Variants in CDH13 observed in about 807,000 individuals in gnomAD.
CDH13 encodes cadherin 13, also known as cadherin-13.
CDH13 carries 24 observed loss-of-function variants against 63.8 expected under a neutral mutation model. That is an observed-to-expected ratio of 0.38 (90% CI 0.27 to 0.53). The LOEUF is 0.53. Among genes scored for constraint, CDH13 ranks in the 20% least tolerant of loss-of-function variants. The pLI, the probability that CDH13 is intolerant of heterozygous loss-of-function variation, is 0.85. For missense variants in CDH13, 1,049 were observed against 903.1 expected, an observed-to-expected ratio of 1.16 and a Z score of -2.07; for synonymous variants, 503 against 355.3, an observed-to-expected ratio of 1.42 and a Z score of -4.67.
In CDH13 at chr16:83,364,646, C is replaced by A. The variant is rs17212193; in HGVS notation, c.781+19640C>A. Among the ~76,000 whole-genome samples, 10 of 152,222 alleles carry A rather than the reference C, an allele frequency of 6.6e-5. 1 individual carries two copies. In the South Asian group the frequency reaches 2.1e-3, roughly 32 times the overall value. On this transcript the variant is annotated intron_variant, in intron 6 of 13. Coordinates refer to ENST00000567109, the MANE Select transcript of CDH13 (RefSeq NM_001257.5). ...CTCCATTACTTGGTTAGTCTAGGGA[C>A]CAGTGAAAGTAGAGTGATAATTTGG...
At chr16:82,833,403 G>A (rs959695739) in intron 1 of CDH13, among the ~76,000 whole-genome samples, 7 of 152,168 alleles carry the variant, frequency 4.6e-5, no homozygotes, top group Admixed American at 2.0e-4. Flanking sequence ...AAATTGTGGC[G>A]TGGGGACTCA....
At chr16:82,866,977 A>G (rs943968089) in intron 2 of CDH13, among the ~76,000 whole-genome samples, 5 of 152,184 alleles carry the variant, frequency 3.3e-5, no homozygotes, top group Middle Eastern at 3.2e-3. Flanking sequence ...AAGCCTAACC[A>G]TATTAGGAAC....
chr16:83,182,019 G>A (rs901208344), intron 4 of CDH13, among the ~76,000 whole-genome samples: 5 of 152,160 alleles, frequency 3.3e-5, no homozygotes, highest in Non-Finnish European at 7.3e-5. Flanking sequence ...CTGTGGCAAA[G>A]TGCTATTGTG....
intron 2 of CDH13, among the ~76,000 whole-genome samples, chr16:83,014,778 A>ATTTG: frequency 8.8e-6 from 1 of 113,820 alleles, no homozygotes; most frequent in Admixed American, 9.6e-5. Flanking sequence ...ATATATATGT[A>ATTTG]TATATATATA....
chr16:82,816,428 T>C (rs1342166645), intron 1 of CDH13, among the ~76,000 whole-genome samples: 1 of 152,140 alleles, frequency 6.6e-6, no homozygotes, highest in Non-Finnish European at 1.5e-5. Context: ...GCTGGTTTTG[T>C]GCATGAAGAT....
chr16:82,930,133 C>T (rs2042442305), intron 2 of CDH13, among the ~76,000 whole-genome samples: 2 of 148,252 alleles, frequency 1.3e-5, no homozygotes, highest in South Asian at 4.3e-4. Flanking sequence ...CAACCTCTGC[C>T]TCCCAATATA....
chr16:82,812,084 C>T (rs1277035702), intron 1 of CDH13, among the ~76,000 whole-genome samples: 2 of 152,134 alleles, frequency 1.3e-5, no homozygotes, highest in African/African-American at 2.4e-5. Flanking sequence ...CTGTGCCACC[C>T]TTTGTCTCTA....
intron 4 of CDH13, among the ~76,000 whole-genome samples, chr16:83,176,444 G>C (rs1477202539): frequency 2.0e-5 from 3 of 149,954 alleles, no homozygotes; most frequent in Non-Finnish European, 4.4e-5. Flanking sequence ...TGGGAGGCGG[G>C]GGTTGCAATG....
At position 82,720,668 on chromosome 16, in the gene CDH13, A is replaced by G. The variant is rs181680475; in HGVS notation, c.45+93531A>G. Among the ~76,000 whole-genome samples, 767 of 151,526 alleles carry G rather than the reference A, an allele frequency of 5.1e-3. 6 individuals are homozygous for G. Among genetic ancestry groups the G allele is most frequent in the Middle Eastern group, 0.017 (5 of 292 alleles). The stretch of plus-strand genomic sequence containing the variant: ...TCCACACACAGGGTGGTCTGGGCCA[A>G]GAGTTAGTGTTTTTTTTTTTCTCAT... On this transcript the variant is annotated intron_variant, in intron 1 of 13. Transcript: ENST00000567109.
intron 10 of CDH13, among the ~76,000 whole-genome samples, chr16:83,711,945 TG>T (rs1227723991): frequency 6.6e-6 from 1 of 152,202 alleles, no homozygotes; most frequent in Admixed American, 6.5e-5. Context: ...GTTAGAAGTC[TG>T]AGATCAAGGT....
At chr16:83,260,222 C>G (rs368910723) in intron 5 of CDH13, among the ~76,000 whole-genome samples, 49 of 151,400 alleles carry the variant, frequency 3.2e-4, no homozygotes, top group African/African-American at 1.1e-3. Flanking sequence ...TCGCTTGTTA[C>G]TTAAAATACT....
At chr16:82,720,332 T>C (rs2151020689) in intron 1 of CDH13, among the ~76,000 whole-genome samples, 1 of 152,342 alleles carries the variant, frequency 6.6e-6, no homozygotes, top group South Asian at 2.1e-4. Context: ...TGCATTTTTA[T>C]GATTATTATA....
intron 2 of CDH13, among the ~76,000 whole-genome samples, chr16:82,903,820 C>T (rs750720454): frequency 1.5e-4 from 23 of 152,024 alleles, no homozygotes; most frequent in Non-Finnish European, 2.6e-4. Flanking sequence ...ATCCATGTTT[C>T]GTAAATAAGA....
At chr16:83,043,095 A>T (rs568243983) in intron 3 of CDH13, among the ~76,000 whole-genome samples, 3 of 152,240 alleles carry the variant, frequency 2.0e-5, no homozygotes, top group African/African-American at 7.2e-5. Context: ...ATTCAATAAT[A>T]GGCTGTTACA....
intron 5 of CDH13, among the ~76,000 whole-genome samples, chr16:83,245,566 T>A (rs1339706083): frequency 6.6e-6 from 1 of 152,174 alleles, no homozygotes; most frequent in Non-Finnish European, 1.5e-5. Context: ...ACACCTGTAG[T>A]GAAGGGGTCA....
intron 3 of CDH13, among the ~76,000 whole-genome samples, chr16:83,105,321 G>C (rs1198504743): frequency 6.6e-6 from 1 of 152,164 alleles, no homozygotes; most frequent in Non-Finnish European, 1.5e-5. Flanking sequence ...AGTCTGTCCT[G>C]GAATAATCCA....
At chr16:82,905,078 C>A (rs781126769) in intron 2 of CDH13, among the ~76,000 whole-genome samples, 2 of 152,104 alleles carry the variant, frequency 1.3e-5, no homozygotes, top group African/African-American at 4.8e-5. Flanking sequence ...GAGAAAGGCA[C>A]GTCAATGATT....
intron 7 of CDH13, among the ~76,000 whole-genome samples, chr16:83,566,401 C>G (rs1226355067): frequency 6.6e-6 from 1 of 152,144 alleles, no homozygotes; most frequent in Non-Finnish European, 1.5e-5. Context: ...CTTATTCACT[C>G]CTGTCATAGG....
At chr16:83,161,733 C>G (rs563065142) in intron 4 of CDH13, among the ~76,000 whole-genome samples, 5 of 152,094 alleles carry the variant, frequency 3.3e-5, no homozygotes, top group Non-Finnish European at 7.4e-5. Context: ...CTTACCCATC[C>G]GTCTCTGTCA....
Sources: gnomAD v4.1 joint callset for allele counts (sites outside exome capture counted in the v4.1 genomes callset) on GRCh38, gnomAD v4.1.1 for gene constraint, MANE v1.5 for transcripts, NCBI Gene and HGNC (gene_info 2026-07-23, HGNC 2026-07-21) for gene names.